Variants in RBM20 observed in about 807,000 individuals in gnomAD.
The protein encoded by RBM20 is RNA binding motif protein 20.
Under a neutral mutation model 110.1 loss-of-function variants are expected in RBM20, and 51 were observed. The ratio of observed to expected loss-of-function variants is 0.46; its 90% CI spans 0.37 to 0.59. The LOEUF is 0.59. RBM20 is among the 20% of genes least tolerant of loss of function. RBM20 has a pLI of 0.00. For missense variants in RBM20, 1,512 were observed against 1,574.9 expected (o/e 0.96, Z 0.68); for synonymous variants, 589 against 618.2 (o/e 0.95, Z 0.70).
At chr10:110,676,815 T>G (rs1862346848) in intron 1 of RBM20, among the ~76,000 whole-genome samples, 1 of 152,220 alleles carries the variant, frequency 6.6e-6, no homozygotes, top group African/African-American at 2.4e-5. Flanking sequence ...AAATCCAATA[T>G]TGGTTTTTAA....
intron 1 of RBM20, among the ~76,000 whole-genome samples, chr10:110,779,623 T>G (rs371272830): frequency 4.6e-5 from 7 of 152,172 alleles, no homozygotes; most frequent in African/African-American, 1.7e-4. Context: ...GGGACAGTCT[T>G]GTGGGGCTGA....
intron 1 of RBM20, among the ~76,000 whole-genome samples, chr10:110,765,844 C>A (rs1167611634): frequency 1.3e-5 from 2 of 151,996 alleles, no homozygotes; most frequent in Non-Finnish European, 2.9e-5. Context: ...GGAATCTTTT[C>A]TTTCTTGCAA....
chr10:110,709,329 C>T lies in RBM20; in HGVS notation c.191+64684C>T, dbSNP rs140312123. Among the ~76,000 whole-genome samples the T allele has an allele frequency of 2.3e-3, 352 of 152,160 alleles. 3 individuals are homozygous for T. Among genetic ancestry groups the T allele is most frequent in the African/African-American group, 8.0e-3 (333 of 41,528 alleles). ...ATGACCCTGGCATTTTGATGCTGGA[C>T]GCTTGCCTAGGAGAGGGCAACCCCG... is the stretch of plus-strand genomic sequence containing the variant. On this transcript the variant is annotated intron_variant, in intron 1 of 13. Transcript: ENST00000369519.
chr10:110,832,601 A>G (rs1845071314), intron 13 of RBM20, among the ~76,000 whole-genome samples: 1 of 152,320 alleles, frequency 6.6e-6, no homozygotes, highest in Admixed American at 6.5e-5. Flanking sequence ...ATTGAGACCC[A>G]GAGAAGCTAT....
At chr10:110,661,558 G>T (rs67416863) in intron 1 of RBM20, among the ~76,000 whole-genome samples, 62,065 of 152,076 alleles carry the variant, frequency 0.41, 12,806 homozygotes, top group Middle Eastern at 0.52. Context: ...CTCTGGGTAC[G>T]GATACAGAGA....
chr10:110,659,708 G>T (rs976602510), intron 1 of RBM20, among the ~76,000 whole-genome samples: 2 of 150,528 alleles, frequency 1.3e-5, no homozygotes, highest in African/African-American at 4.9e-5. Flanking sequence ...AGCAATTTCT[G>T]TTCTTTTTTT....
At chr10:110,794,778 G>T (rs1261253343) in intron 5 of RBM20, among the ~76,000 whole-genome samples, 1 of 152,210 alleles carries the variant, frequency 6.6e-6, no homozygotes, top group African/African-American at 2.4e-5. Flanking sequence ...TTTTAATTGA[G>T]ACCCATTCAC....
intron 5 of RBM20, among the ~76,000 whole-genome samples, chr10:110,789,636 CAG>C (rs373300083): frequency 1.8e-3 from 268 of 151,970 alleles, no homozygotes; most frequent in Admixed American, 3.9e-3. Flanking sequence ...TTTGGAGAGA[CAG>C]GGTGTCGCCA....
At chr10:110,803,619 C>G (rs888797585) in intron 7 of RBM20, among the ~76,000 whole-genome samples, 5 of 152,028 alleles carry the variant, frequency 3.3e-5, no homozygotes, top group Non-Finnish European at 7.4e-5. Flanking sequence ...CAGGGCTTTT[C>G]TGCTCCCCAA....
At chr10:110,733,346 A>G (rs1197333432) in intron 1 of RBM20, among the ~76,000 whole-genome samples, 2 of 152,158 alleles carry the variant, frequency 1.3e-5, no homozygotes, top group Non-Finnish European at 1.5e-5. Flanking sequence ...GGGATGTGTA[A>G]TGTTGAGAAG....
chr10:110,740,044 A>G (rs538983254), intron 1 of RBM20, among the ~76,000 whole-genome samples: 1 of 152,336 alleles, frequency 6.6e-6, no homozygotes, highest in South Asian at 2.1e-4. Context: ...CACGGACAAC[A>G]AGGCAGCTTG....
chr10:110,662,913 G>A (rs1162980862), intron 1 of RBM20, among the ~76,000 whole-genome samples: 3 of 151,946 alleles, frequency 2.0e-5, no homozygotes, highest in Non-Finnish European at 4.4e-5. Flanking sequence ...TGGCCCCTCT[G>A]GTCACTGAAG....
chr10:110,764,946 A>C (rs1393294574), intron 1 of RBM20, among the ~76,000 whole-genome samples: 6 of 151,996 alleles, frequency 3.9e-5, no homozygotes, highest in Non-Finnish European at 5.9e-5. Context: ...GGCGCTGAGC[A>C]TTTGTGCATG....
chr10:110,676,051 G>A (rs1005012607), intron 1 of RBM20, among the ~76,000 whole-genome samples: 9 of 152,202 alleles, frequency 5.9e-5, no homozygotes, highest in African/African-American at 1.9e-4. Context: ...AACGGATAGT[G>A]GGCGCTGGAT....
intron 1 of RBM20, among the ~76,000 whole-genome samples, chr10:110,717,422 A>G (rs530443562): frequency 1.3e-5 from 2 of 152,272 alleles, no homozygotes; most frequent in Admixed American, 1.3e-4. Context: ...TCTTCAGGGA[A>G]ACTTATGGAA....
At chr10:110,646,486 G>T (rs533770911) in intron 1 of RBM20, among the ~76,000 whole-genome samples, 3 of 152,198 alleles carry the variant, frequency 2.0e-5, no homozygotes, top group Admixed American at 2.0e-4. Flanking sequence ...CTCAAGAAGC[G>T]CCTCATGGCT....
intron 13 of RBM20, among the ~76,000 whole-genome samples, chr10:110,831,729 A>T (rs1845059046): frequency 6.6e-6 from 1 of 151,768 alleles, no homozygotes; most frequent in Non-Finnish European, 1.5e-5. Flanking sequence ...TCCATACAGC[A>T]AATACTTATC....
intron 1 of RBM20, among the ~76,000 whole-genome samples, chr10:110,650,225 C>T (rs746070222): frequency 2.9e-4 from 44 of 152,312 alleles, no homozygotes; most frequent in Admixed American, 4.6e-4. Context: ...ATATGATAAA[C>T]TCTTTACCGC....
At chr10:110,744,973 C>T (rs756104650) in intron 1 of RBM20, among the ~76,000 whole-genome samples, 3 of 152,234 alleles carry the variant, frequency 2.0e-5, no homozygotes, top group Non-Finnish European at 4.4e-5. Context: ...CGAGAGGTTA[C>T]TTCTGCCTCT....
Sources: gnomAD v4.1 joint callset for allele counts (sites outside exome capture counted in the v4.1 genomes callset) on GRCh38, gnomAD v4.1.1 for gene constraint, MANE v1.5 for transcripts, NCBI Gene and HGNC (gene_info 2026-07-23, HGNC 2026-07-21) for gene names.